GHR: variants seen among roughly 807,000 people sequenced by gnomAD.
GHR encodes GH receptor.
In GHR, 35 loss-of-function variants were observed where a neutral mutation model predicts 67.1. That is an observed-to-expected ratio of 0.52 (90% CI 0.40 to 0.69). The LOEUF is 0.69. Ranked by LOEUF, GHR falls within the 30% of genes least tolerant of loss-of-function variation. GHR has a pLI of 0.00. For missense variants in GHR, 792 were observed against 764.6 expected (o/e 1.04, Z -0.42); for synonymous variants, 272 against 269.1 (o/e 1.01, Z -0.10).
intron 3 of GHR, among the ~76,000 whole-genome samples, chr5:42,669,877 A>T (rs973250166): frequency 6.6e-6 from 1 of 152,222 alleles, no homozygotes; most frequent in Non-Finnish European, 1.5e-5. Context: ...GAAATTGAAG[A>T]TGGTAAAAAT....
At chr5:42,553,391 G>C (rs562193225) in intron 1 of GHR, among the ~76,000 whole-genome samples, 1 of 152,234 alleles carries the variant, frequency 6.6e-6, no homozygotes, top group East Asian at 1.9e-4. Flanking sequence ...GCTCCTAGAG[G>C]CTATCTGCAT....
chr5:42,677,741 T>C (rs1470236621), intron 3 of GHR, among the ~76,000 whole-genome samples: 1 of 152,208 alleles, frequency 6.6e-6, no homozygotes, highest in Non-Finnish European at 1.5e-5. Context: ...TCATCAGCTA[T>C]CGTTAGTGTT....
intron 1 of GHR, among the ~76,000 whole-genome samples, chr5:42,454,705 T>C (rs1488607118): frequency 6.6e-6 from 1 of 152,162 alleles, no homozygotes; most frequent in East Asian, 1.9e-4. Context: ...ATCTCACTCT[T>C]GCAATGCTGT....
At chr5:42,580,128 T>A (rs1378454543) in intron 2 of GHR, among the ~76,000 whole-genome samples, 1 of 152,160 alleles carries the variant, frequency 6.6e-6, no homozygotes, top group African/African-American at 2.4e-5. Flanking sequence ...TGAACATATT[T>A]ATGTCTTATA....
intron 3 of GHR, among the ~76,000 whole-genome samples, chr5:42,687,995 A>G (rs1285921415): frequency 1.3e-5 from 2 of 152,230 alleles, no homozygotes; most frequent in Non-Finnish European, 2.9e-5. Flanking sequence ...AATTTTGGCT[A>G]AATTCCTAAC....
intron 5 of GHR, among the ~76,000 whole-genome samples, chr5:42,697,011 G>A (rs1464198105): frequency 6.6e-6 from 1 of 152,098 alleles, no homozygotes; most frequent in African/African-American, 2.4e-5. Flanking sequence ...GGAGTGGGAC[G>A]GACTAGAGGT....
chr5:42,467,459 T>A, intron 1 of GHR: 1 of 976,570 alleles, frequency 1.0e-6, no homozygotes, highest in Non-Finnish European at 1.6e-6. Flanking sequence ...CGACACTCAT[T>A]ACATTTACAG....
In GHR at chr5:42,717,547, A is replaced by G. The variant is rs150760933; in HGVS notation, c.876-505A>G. On this transcript the variant is annotated intron_variant, in intron 8 of 9. Transcript: ENST00000230882. ...CCTGGTTAATAAGATCATCTTAGAT[A>G]ATTTCATAATTAATATGAACTATAT... Among the ~76,000 whole-genome samples, 31 of 152,302 alleles carry G rather than the reference A, an allele frequency of 2.0e-4. 3 individuals carry two copies. The highest frequency in any genetic ancestry group is 7.2e-4 in the African/African-American group (30 of 41,584).
chr5:42,446,198 T>C (rs1025264806), intron 1 of GHR, among the ~76,000 whole-genome samples: 1 of 152,110 alleles, frequency 6.6e-6, no homozygotes, highest in Admixed American at 6.5e-5. Flanking sequence ...TAATGTAAGC[T>C]AATGGGAGGC....
intron 1 of GHR, chr5:42,467,287 A>G (rs1744773041): frequency 3.5e-6 from 4 of 1,156,120 alleles, no homozygotes; most frequent in Non-Finnish European, 1.3e-6. Flanking sequence ...GGTTTTCCCA[A>G]ACTCACACTC....
chr5:42,618,410 T>TC (rs1753276262), intron 2 of GHR, among the ~76,000 whole-genome samples: 1 of 152,172 alleles, frequency 6.6e-6, no homozygotes, highest in Non-Finnish European at 1.5e-5. Context: ...CTGCTAAGAC[T>TC]GCTAATTAAT....
At chr5:42,679,980 T>G (rs1383972560) in intron 3 of GHR, among the ~76,000 whole-genome samples, 2 of 152,222 alleles carry the variant, frequency 1.3e-5, no homozygotes. Context: ...ATCAAACCTT[T>G]GAAGATCATG....
chr5:42,439,141 T>A (rs1743459302), intron 1 of GHR, among the ~76,000 whole-genome samples: 2 of 152,320 alleles, frequency 1.3e-5, no homozygotes, highest in East Asian at 3.9e-4. Context: ...TCTCTAGGAT[T>A]GAGGATTTTG....
chr5:42,697,248 T>C (rs768386952), intron 5 of GHR, among the ~76,000 whole-genome samples: 60 of 152,336 alleles, frequency 3.9e-4, no homozygotes, highest in Non-Finnish European at 7.1e-4. Flanking sequence ...TGAAGTACTA[T>C]ATTAGTTAGA....
intron 3 of GHR, among the ~76,000 whole-genome samples, chr5:42,651,371 A>C (rs1755009842): frequency 6.6e-6 from 1 of 152,152 alleles, no homozygotes; most frequent in Non-Finnish European, 1.5e-5. Context: ...TTATAAATGA[A>C]TACCCTGTGC....
At chr5:42,587,061 G>A (rs1048151585) in intron 2 of GHR, among the ~76,000 whole-genome samples, 3 of 148,832 alleles carry the variant, frequency 2.0e-5, no homozygotes, top group Admixed American at 6.7e-5. Flanking sequence ...ATTAACTACA[G>A]CTGGGCTTAT....
intron 1 of GHR, among the ~76,000 whole-genome samples, chr5:42,513,564 G>A (rs540810710): frequency 3.3e-4 from 50 of 152,274 alleles, no homozygotes; most frequent in Middle Eastern, 3.4e-3. Flanking sequence ...GAGGTGGGCC[G>A]ATCACCTGAG....
intron 1 of GHR, among the ~76,000 whole-genome samples, chr5:42,437,684 A>C (rs911872580): frequency 5.9e-5 from 9 of 151,744 alleles, no homozygotes; most frequent in Admixed American, 5.3e-4. Flanking sequence ...AGTAGGTGGG[A>C]CTACAGGTGC....
chr5:42,583,647 A>G (rs1440144315), intron 2 of GHR, among the ~76,000 whole-genome samples: 4 of 152,302 alleles, frequency 2.6e-5, no homozygotes, highest in Non-Finnish European at 4.4e-5. Context: ...CATTTAGAGC[A>G]GAACTTTGTA....
Sources: allele counts gnomAD v4.1 joint callset (sites outside exome capture counted in the v4.1 genomes callset), GRCh38; gene constraint gnomAD v4.1.1; transcripts MANE v1.5; gene names NCBI Gene and HGNC (gene_info 2026-07-23, HGNC 2026-07-21).